Variants in HP1BP3 observed in about 807,000 individuals in gnomAD.
HP1BP3 encodes the protein heterochromatin protein 1-binding protein 3.
Under a neutral mutation model 62.5 loss-of-function variants are expected in HP1BP3, and 12 were observed. The observed-to-expected ratio is 0.19, with a 90% confidence interval of 0.12 to 0.31. The LOEUF (loss-of-function observed/expected upper bound fraction) is 0.31. Ranked by LOEUF, HP1BP3 falls within the 10% of genes least tolerant of loss-of-function variation. The pLI, the probability that HP1BP3 is intolerant of heterozygous loss-of-function variation, is 1.00. For synonymous variants in HP1BP3, 260 were observed against 237.8 expected (o/e 1.09, Z -0.86); for missense variants, 502 against 651.8 (o/e 0.77, Z 2.50).
Position 20,742,272 on chromosome 1 carries a change from T to C in HP1BP3, c.*2525A>G, listed in dbSNP as rs777184200. Among the ~76,000 whole-genome samples the C allele has an allele frequency of 2.0e-5, 3 of 152,210 alleles. No homozygotes were observed. The highest frequency in any genetic ancestry group is 4.4e-5 in the Non-Finnish European group (3 of 68,034). On this transcript the variant is annotated 3_prime_UTR_variant, in exon 13 of 13. Transcript: ENST00000438032. The stretch of plus-strand genomic sequence containing the variant: ...ATCCATACTATTAAGAATCATTACT[T>C]GCTAGAGAGCACAGGAGTAATTACT...
intron 3 of HP1BP3, among the ~76,000 whole-genome samples, chr1:20,778,352 C>T (rs2057393267): frequency 1.3e-5 from 2 of 152,190 alleles, no homozygotes; most frequent in East Asian, 1.9e-4. Flanking sequence ...GTACAAAATA[C>T]TGTGTACAAA....
Position 20,744,981 on chromosome 1 carries a change from G to C in HP1BP3, c.1478C>G (p.Pro493Arg). The C allele has an allele frequency of 6.2e-7, 1 of 1,614,132 alleles. No homozygotes were observed. Reference sequence around the variant, plus strand: ...CTTAGGAGGTGCTTTCTTAGGCAAGGGCCTAGCTTTCCCCCGCTGGGCAGC... The same window carrying C: ...CTTAGGAGGTGCTTTCTTAGGCAAGCGCCTAGCTTTCCCCCGCTGGGCAGC... Reference protein sequence around the residue: ...VSAAQRGKARPLPKKAPPKAK... With the variant: ...VSAAQRGKARRLPKKAPPKAK... Residue 493 changes from proline (P) to arginine (R), a missense_variant, in exon 13 of 13, where the codon CCC (proline) becomes CGC (arginine). By Grantham distance (103) the Pro-to-Arg change is moderately radical. Coordinates refer to ENST00000438032, the MANE Select transcript of HP1BP3 (RefSeq NM_001372052.1).
chr1:20,747,705 T>C (rs749931904), intron 10 of HP1BP3, 50 bp from the exon 11 acceptor site: 1 of 1,156,790 alleles, frequency 8.6e-7, no homozygotes. Flanking sequence ...TCAGATTAGA[T>C]AATTCCCTCA....
At position 20,776,619 on chromosome 1, in the gene HP1BP3, A is replaced by T; in HGVS notation, c.328T>A (p.Ser110Thr). 2 of 1,613,080 alleles carry T rather than the reference A, an allele frequency of 1.2e-6. No individual in the cohort carries two copies. The highest frequency in any genetic ancestry group is 1.7e-6 in the Non-Finnish European group (2 of 1,179,614). Reference sequence around the variant, plus strand: ...TACTCCTTTTTGGTTTCCTCAGAAGACTTATTTTCTTCCTTCTCTTCATTC... The same window carrying T: ...TACTCCTTTTTGGTTTCCTCAGAAGTCTTATTTTCTTCCTTCTCTTCATTC... The part of the protein sequence containing the change: ...PENEEKEENK[S>T]SEETKKDEKD... Residue 110 changes from serine to threonine, a missense_variant, in exon 4 of 13, where the codon TCT becomes ACT. Coordinates refer to ENST00000438032, the MANE Select transcript of HP1BP3 (RefSeq NM_001372052.1).
At chr1:20,760,172 C>T (rs2056383601) in intron 8 of HP1BP3, among the ~76,000 whole-genome samples, 1 of 152,104 alleles carries the variant, frequency 6.6e-6, no homozygotes, top group Non-Finnish European at 1.5e-5. Context: ...CAGACGTGAG[C>T]CACCACACCC....
intron 1 of HP1BP3, among the ~76,000 whole-genome samples, chr1:20,782,287 T>C (rs1361036148): frequency 2.6e-5 from 4 of 151,350 alleles, no homozygotes; most frequent in Non-Finnish European, 5.9e-5. Context: ...GTAAATAAAT[T>C]AAAATTTAAA....
intron 1 of HP1BP3, chr1:20,786,577 G>A (rs868151906): frequency 6.6e-6 from 1 of 152,244 alleles, no homozygotes; most frequent in Non-Finnish European, 1.5e-5. Context: ...ACGCTCGGCA[G>A]GGACACCGCG....
At chr1:20,772,193 A>G (rs2057091525) in intron 5 of HP1BP3, among the ~76,000 whole-genome samples, 1 of 152,248 alleles carries the variant, frequency 6.6e-6, no homozygotes, top group Admixed American at 6.5e-5. Context: ...TTCCTGTTCA[A>G]TACAGAAAAT....
rs1053569399 is a variant in HP1BP3, at chr1:20,742,725, C to T, written c.*2072G>A. The T allele has an allele frequency of 6.6e-6, 1 of 152,580 alleles. No individual in the cohort carries two copies. The highest frequency in any genetic ancestry group is 1.5e-5 in the Non-Finnish European group (1 of 68,040). 9.5% of individuals were successfully genotyped at this position (152,580 alleles called of 1,614,324 possible). On this transcript the variant is annotated 3_prime_UTR_variant, in exon 13 of 13. Coordinates refer to ENST00000438032, the MANE Select transcript of HP1BP3 (RefSeq NM_001372052.1). ...ATTCATATTTTTCAAAATATATGTA[C>T]ATTAAAAAAGGAAGATTTACAACAG...
At chr1:20,777,365 T>C (rs751251648) in intron 3 of HP1BP3, among the ~76,000 whole-genome samples, 3 of 152,156 alleles carry the variant, frequency 2.0e-5, no homozygotes, top group Admixed American at 6.5e-5. Flanking sequence ...AAGTATATGC[T>C]TGAAGAATTT....
At chr1:20,784,362 C>G (rs796999737) in intron 1 of HP1BP3, among the ~76,000 whole-genome samples, 7 of 152,194 alleles carry the variant, frequency 4.6e-5, no homozygotes, top group African/African-American at 1.7e-4. Flanking sequence ...ATCTTATCTA[C>G]CTGGTTCATT....
At chr1:20,752,454 G>A (rs2055830222) in intron 9 of HP1BP3, among the ~76,000 whole-genome samples, 1 of 151,592 alleles carries the variant, frequency 6.6e-6, no homozygotes, top group African/African-American at 2.4e-5. Flanking sequence ...ACCACACCTG[G>A]CTAATTTTTG....
At chr1:20,775,670 T>C (rs2057272863) in intron 4 of HP1BP3, 1 of 242,196 alleles carries the variant, frequency 4.1e-6, no homozygotes, top group African/African-American at 2.2e-5. Flanking sequence ...TTTTTTATCT[T>C]TTATATTATA....
At chr1:20,774,903 G>C (rs2057233658) in intron 4 of HP1BP3, 1 of 151,798 alleles carries the variant, frequency 6.6e-6, no homozygotes, top group South Asian at 2.1e-4. Context: ...AGAATCGCTT[G>C]AACCTGGGAG....
At chr1:20,751,142 C>T (rs1043310424) in intron 9 of HP1BP3, among the ~76,000 whole-genome samples, 10 of 151,988 alleles carry the variant, frequency 6.6e-5, no homozygotes, top group African/African-American at 2.4e-4. Context: ...TTAAGATTTT[C>T]TCAATAACAT....
At chr1:20,773,694 G>T in intron 4 of HP1BP3, 84 bp from the exon 5 acceptor site, 3 of 921,676 alleles carry the variant, frequency 3.3e-6, no homozygotes, top group Non-Finnish European at 3.0e-6. Context: ...ACCAGGGAGG[G>T]ATAAAAATTA....
chr1:20,759,907 G>A (rs1291174471), intron 8 of HP1BP3, among the ~76,000 whole-genome samples: 3 of 82,548 alleles, frequency 3.6e-5, no homozygotes, highest in East Asian at 2.5e-4. Flanking sequence ...TTTTTGCCCC[G>A]AGACAGAGTC....
chr1:20,786,962 T>G (rs928155777), intron 1 of HP1BP3, among the ~76,000 whole-genome samples: 5 of 151,474 alleles, frequency 3.3e-5, no homozygotes, highest in African/African-American at 9.7e-5. Context: ...GGAGGGCCCC[T>G]GAGGAGGAGT....
At chr1:20,751,411 C>T (rs2055741986) in intron 9 of HP1BP3, among the ~76,000 whole-genome samples, 1 of 151,622 alleles carries the variant, frequency 6.6e-6, no homozygotes, top group South Asian at 2.1e-4. Flanking sequence ...AGGAAAATAG[C>T]AGTGAAAAAT....
Sources: allele counts gnomAD v4.1 joint callset (sites outside exome capture counted in the v4.1 genomes callset), GRCh38; gene constraint gnomAD v4.1.1; transcripts MANE v1.5; gene names NCBI Gene and HGNC (gene_info 2026-07-23, HGNC 2026-07-21).